PITPNC1: variants seen among roughly 807,000 people sequenced by gnomAD.
PITPNC1 encodes the protein phosphatidylinositol transfer protein cytoplasmic 1, also known as cytoplasmic phosphatidylinositol transfer protein 1.
PITPNC1 carries 18 observed loss-of-function variants against 44.7 expected under a neutral mutation model. The ratio of observed to expected loss-of-function variants is 0.40; its 90% CI spans 0.28 to 0.60. PITPNC1 has a LOEUF of 0.60. PITPNC1 is among the 20% of genes least tolerant of loss of function. The pLI, the probability that PITPNC1 is intolerant of heterozygous loss-of-function variation, is 0.39. For missense variants in PITPNC1, 290 were observed against 418.4 expected (o/e 0.69, Z 2.68); for synonymous variants, 141 against 149.6 (o/e 0.94, Z 0.42).
At chr17:67,640,021 A>G (rs2042075031) in intron 6 of PITPNC1, among the ~76,000 whole-genome samples, 1 of 152,086 alleles carries the variant, frequency 6.6e-6, no homozygotes, top group Non-Finnish European at 1.5e-5. Flanking sequence ...GCCAGATTTA[A>G]CACAGCTGCC....
chr17:67,572,480 G>A (rs1238601419), intron 4 of PITPNC1, among the ~76,000 whole-genome samples: 1 of 93,750 alleles, frequency 1.1e-5, no homozygotes, highest in African/African-American at 4.3e-5. Context: ...GGGGGGGGGG[G>A]TAAAGAAGAA....
chr17:67,644,081 C>CA (rs1412899592), intron 6 of PITPNC1, among the ~76,000 whole-genome samples: 4 of 151,892 alleles, frequency 2.6e-5, no homozygotes, highest in East Asian at 1.9e-4. Flanking sequence ...TGAGACTTTT[C>CA]AAAAAAAATG....
At chr17:67,582,607 G>GT (rs1358188192) in intron 5 of PITPNC1, among the ~76,000 whole-genome samples, 10 of 151,606 alleles carry the variant, frequency 6.6e-5, no homozygotes, top group African/African-American at 2.4e-5. Flanking sequence ...AATAGTGGCA[G>GT]TATGAGTAAA....
At chr17:67,550,898 A>G (rs1029891138) in intron 2 of PITPNC1, among the ~76,000 whole-genome samples, 2 of 152,208 alleles carry the variant, frequency 1.3e-5, no homozygotes, top group African/African-American at 2.4e-5. Context: ...CGTCTCTACT[A>G]AAAATACAAA....
intron 8 of PITPNC1, among the ~76,000 whole-genome samples, chr17:67,689,365 G>GA (rs1384704570): frequency 6.6e-6 from 1 of 152,190 alleles, no homozygotes; most frequent in Non-Finnish European, 1.5e-5. Flanking sequence ...ACTTCAGGGT[G>GA]AAAGATGCCT....
intron 5 of PITPNC1, among the ~76,000 whole-genome samples, chr17:67,589,997 G>GAA (rs200306467): frequency 1.3e-5 from 2 of 151,248 alleles, no homozygotes; most frequent in Admixed American, 6.6e-5. Context: ...GGAAGAACAG[G>GAA]AAAAAAAAGA....
At position 67,692,811 on chromosome 17, in the gene PITPNC1, G is replaced by T. The variant is rs776740461; in HGVS notation, c.922G>T (p.Asp308Tyr). The T allele has an allele frequency of 1.9e-6, 3 of 1,613,566 alleles. No individual in the cohort carries two copies. The highest frequency in any genetic ancestry group is 2.5e-6 in the Non-Finnish European group (3 of 1,179,748). Reference sequence around the variant, plus strand: ...TGCCCCAGAAACTCTCACACTTCCAGACCCTGAGAAAAAAGCCACCCTGAA... The same window carrying T: ...TGCCCCAGAAACTCTCACACTTCCATACCCTGAGAAAAAAGCCACCCTGAA... ...KSAPETLTLP[D>Y]PEKKATLNLP... The change falls in exon 9 of 9, where the codon GAC becomes TAC. Residue 308 changes from aspartate to tyrosine, a missense_variant. Coordinates refer to ENST00000581322, the MANE Select transcript of PITPNC1 (RefSeq NM_012417.4).
intron 4 of PITPNC1, among the ~76,000 whole-genome samples, chr17:67,557,998 A>G (rs2040861409): frequency 6.6e-6 from 1 of 152,098 alleles, no homozygotes; most frequent in African/African-American, 2.4e-5. Flanking sequence ...CCTCCAAACC[A>G]ATGTCTCTTC....
rs369624053 is a variant in PITPNC1, at chr17:67,428,839, C to CTTTTTTTT, written c.48+50649_48+50656dup. 1.6e-4 allele frequency among the ~76,000 whole-genome samples: 18 copies of CTTTTTTTT among 113,164 alleles called. 1 individual carries two copies. The highest frequency in any genetic ancestry group is 2.0e-4 in the African/African-American group (6 of 30,272). 74.2% of individuals were successfully genotyped at this position (113,164 alleles called of 152,430 possible). On this transcript the variant is annotated intron_variant, in intron 1 of 8. Coordinates refer to ENST00000581322, the MANE Select transcript of PITPNC1 (RefSeq NM_012417.4). ...TAACCATTTTTTTCTACTTGTCTTG[C>CTTTTTTTT]TTTTTTTTTTTTTTTTTTTGAGACG...
intron 6 of PITPNC1, among the ~76,000 whole-genome samples, chr17:67,652,395 G>T (rs1446241259): frequency 1.3e-5 from 2 of 152,162 alleles, no homozygotes; most frequent in African/African-American, 4.8e-5. Flanking sequence ...AGATGGATGA[G>T]GCCTGCAGGT....
At chr17:67,551,633 CTTGTGATCTTTAAATT>C (rs1440222706) in intron 2 of PITPNC1, among the ~76,000 whole-genome samples, 1 of 152,174 alleles carries the variant, frequency 6.6e-6, no homozygotes, top group African/African-American at 2.4e-5. Context: ...ATGATTTCAT[CTTGTGATCTTTAAATT>C]AATTACATCT....
chr17:67,553,878 T>C (rs1022345356), intron 4 of PITPNC1, among the ~76,000 whole-genome samples: 8 of 152,230 alleles, frequency 5.3e-5, no homozygotes, highest in African/African-American at 1.7e-4. Flanking sequence ...AATTTTTAAA[T>C]AGCTTGACTG....
chr17:67,624,023 C>T (rs1456389325), intron 5 of PITPNC1, among the ~76,000 whole-genome samples: 1 of 152,236 alleles, frequency 6.6e-6, no homozygotes, highest in African/African-American at 2.4e-5. Flanking sequence ...CAATTATCAC[C>T]ACACAGCACG....
At chr17:67,400,475 A>G (rs1339726736) in intron 1 of PITPNC1, among the ~76,000 whole-genome samples, 1 of 152,230 alleles carries the variant, frequency 6.6e-6, no homozygotes, top group Non-Finnish European at 1.5e-5. Flanking sequence ...AATAAGTCAC[A>G]TGACTGTGCC....
intron 1 of PITPNC1, among the ~76,000 whole-genome samples, chr17:67,462,224 T>TA (rs2039349394): frequency 7.3e-6 from 1 of 136,666 alleles, no homozygotes; most frequent in South Asian, 2.2e-4. Flanking sequence ...TTTCTTTCTT[T>TA]CTTTTTTTTT....
rs116600879 is a variant in PITPNC1 at position 67,679,179 on chromosome 17, G to T, written c.682+3637G>T. On this transcript the variant is annotated intron_variant, in intron 8 of 8. Coordinates refer to ENST00000581322, the MANE Select transcript of PITPNC1 (RefSeq NM_012417.4). Reference sequence around the variant, plus strand: ...CGTTTAATTGATTCAATCCAAATAGGTTAACTAGAGAATCATAGCTGTCTG... The same window carrying T: ...CGTTTAATTGATTCAATCCAAATAGTTTAACTAGAGAATCATAGCTGTCTG... 7.1e-3 allele frequency among the ~76,000 whole-genome samples: 1,079 copies of T among 152,356 alleles called. 19 individuals carry two copies. Among genetic ancestry groups the T allele is most frequent in the African/African-American group, 0.025 (1,038 of 41,584 alleles).
intron 1 of PITPNC1, among the ~76,000 whole-genome samples, chr17:67,479,848 AT>A (rs1175026490): frequency 1.3e-5 from 2 of 152,128 alleles, no homozygotes; most frequent in Non-Finnish European, 2.9e-5. Flanking sequence ...TGCAATGTTC[AT>A]TTCTATTTCA....
chr17:67,554,949 C>T (rs1009903666), intron 4 of PITPNC1, among the ~76,000 whole-genome samples: 1 of 152,224 alleles, frequency 6.6e-6, no homozygotes, highest in African/African-American at 2.4e-5. Flanking sequence ...ATTTTCATAA[C>T]ATTAAATTTA....
chr17:67,549,877 A>G (rs2040735741), intron 2 of PITPNC1, among the ~76,000 whole-genome samples: 1 of 152,200 alleles, frequency 6.6e-6, no homozygotes, highest in South Asian at 2.1e-4. Flanking sequence ...ACCCTGAGTC[A>G]GTCCATTAAA....
Sources: gnomAD v4.1 joint callset for allele counts (sites outside exome capture counted in the v4.1 genomes callset) on GRCh38, gnomAD v4.1.1 for gene constraint, MANE v1.5 for transcripts, NCBI Gene and HGNC (gene_info 2026-07-23, HGNC 2026-07-21) for gene names.